Variants in CNTN4 observed in about 807,000 individuals in gnomAD.
CNTN4 encodes the protein contactin-4.
CNTN4 carries 77 observed loss-of-function variants against 122.5 expected under a neutral mutation model. The ratio of observed to expected loss-of-function variants is 0.63; its 90% CI spans 0.52 to 0.76. The LOEUF is 0.76. Ranked by LOEUF, CNTN4 falls within the 30% of genes least tolerant of loss-of-function variation. The pLI, the probability that CNTN4 is intolerant of heterozygous loss-of-function variation, is 0.00. For synonymous variants in CNTN4, 512 were observed against 447.0 expected (o/e 1.15, Z -1.83); for missense variants, 1,256 against 1,259.1 (o/e 1.00, Z 0.04).
chr3:2,892,011 G>C lies in CNTN4; in HGVS notation c.940+4787G>C, dbSNP rs368103283. The stretch of plus-strand genomic sequence containing the variant: ...ACTTGAGATATATTTTGGAGTTAGA[G>C]CCAATAGGATATGCTCATTTCATTC... On this transcript the variant is annotated intron_variant, in intron 10 of 24. Transcript: ENST00000418658. 3.3e-4 allele frequency among the ~76,000 whole-genome samples: 50 copies of C among 152,292 alleles called. No homozygotes were observed. In the East Asian group the frequency reaches 6.6e-3, roughly 20 times the overall value.
intron 3 of CNTN4, among the ~76,000 whole-genome samples, chr3:2,510,565 T>A (rs950804892): frequency 3.3e-5 from 5 of 152,156 alleles, no homozygotes; most frequent in African/African-American, 1.2e-4. Context: ...ACACAGGCGC[T>A]GAGTCTCCCT....
intron 2 of CNTN4, among the ~76,000 whole-genome samples, chr3:2,119,352 C>A (rs2033572229): frequency 6.6e-6 from 1 of 152,172 alleles, no homozygotes; most frequent in South Asian, 2.1e-4. Flanking sequence ...CTGTGGAGAA[C>A]CCTGACTACT....
At chr3:2,576,467 G>T (rs749526344) in intron 4 of CNTN4, among the ~76,000 whole-genome samples, 1 of 151,892 alleles carries the variant, frequency 6.6e-6, no homozygotes, top group Admixed American at 6.6e-5. Flanking sequence ...ATTAAAATTG[G>T]TCTGTGTGCC....
intron 2 of CNTN4, among the ~76,000 whole-genome samples, chr3:2,110,841 A>G (rs2032893744): frequency 6.6e-6 from 1 of 152,146 alleles, no homozygotes; most frequent in South Asian, 2.1e-4. Flanking sequence ...AGAGTAAGAT[A>G]TCACTATACC....
rs368919706 is a variant in CNTN4, at chr3:2,467,133, G to GTTT, written c.-88-104268_-88-104266dup. Among the ~76,000 whole-genome samples the GTTT allele has an allele frequency of 1.3e-3, 174 of 131,422 alleles. 1 individual carries two copies. Among genetic ancestry groups the GTTT allele is most frequent in the African/African-American group, 4.5e-3 (163 of 36,084 alleles). 86.2% of individuals were successfully genotyped at this position (131,422 alleles called of 152,430 possible). ...CATTGGATGATATGCAAAATTATGG[G>GTTT]TTTTTTTTTTTTTTTTTGAGAAGAG... On this transcript the variant is annotated intron_variant, in intron 3 of 24. Coordinates refer to ENST00000418658, the MANE Select transcript of CNTN4 (RefSeq NM_175607.3).
At chr3:2,307,316 T>A (rs1193117947) in intron 2 of CNTN4, among the ~76,000 whole-genome samples, 2 of 151,954 alleles carry the variant, frequency 1.3e-5, no homozygotes, top group Non-Finnish European at 2.9e-5. Context: ...GCGCCTGTAG[T>A]CCCAGCTACT....
chr3:2,830,652 C>T (rs147753590), intron 7 of CNTN4, among the ~76,000 whole-genome samples: 23 of 152,308 alleles, frequency 1.5e-4, no homozygotes, highest in Non-Finnish European at 2.8e-4. Flanking sequence ...GAGCTTTCAA[C>T]AACATGAATC....
intron 6 of CNTN4, among the ~76,000 whole-genome samples, chr3:2,808,014 ATCCAC>A (rs1199450386): frequency 2.8e-4 from 43 of 152,338 alleles, no homozygotes; most frequent in African/African-American, 1.0e-3. Flanking sequence ...GAGACATCGT[ATCCAC>A]TACCACTAAG....
At chr3:2,458,950 C>T (rs768889294) in intron 3 of CNTN4, among the ~76,000 whole-genome samples, 11 of 152,252 alleles carry the variant, frequency 7.2e-5, no homozygotes, top group Middle Eastern at 6.8e-3. Context: ...TCTTCCTTTC[C>T]GCCTAGCATG....
intron 3 of CNTN4, among the ~76,000 whole-genome samples, chr3:2,478,836 A>G (rs984552322): frequency 6.6e-6 from 1 of 152,162 alleles, no homozygotes; most frequent in Non-Finnish European, 1.5e-5. Context: ...TCTGTCACTG[A>G]TGGACATTTA....
At chr3:2,287,632 G>GAGAAGGAGAAGGAGA (rs1559415115) in intron 2 of CNTN4, among the ~76,000 whole-genome samples, 2 of 49,476 alleles carry the variant, frequency 4.0e-5, no homozygotes, top group Non-Finnish European at 8.5e-5. Flanking sequence ...GAAGGAGAAG[G>GAGAAGGAGAAGGAGA]AGAAGAAGAA....
chr3:2,598,623 ACAT>A (rs1403422956), intron 4 of CNTN4, among the ~76,000 whole-genome samples: 2 of 152,212 alleles, frequency 1.3e-5, no homozygotes, highest in Non-Finnish European at 2.9e-5. Flanking sequence ...GACCACTTTT[ACAT>A]CATAATTCAA....
chr3:2,504,059 A>G (rs1397582720), intron 3 of CNTN4, among the ~76,000 whole-genome samples: 2 of 152,092 alleles, frequency 1.3e-5, no homozygotes, highest in Non-Finnish European at 2.9e-5. Flanking sequence ...AGAACAAAAT[A>G]GAACAGTTTA....
At position 2,715,810 on chromosome 3, in the gene CNTN4, A is replaced by G. The variant is rs565141615; in HGVS notation, c.56-20405A>G. 2.4e-4 allele frequency among the ~76,000 whole-genome samples: 36 copies of G among 152,232 alleles called. 1 individual carries two copies. The South Asian group carries it at 7.5e-3, about 32-fold the overall frequency. ...TTATGAAGACAGTATCATGTCAGAC[A>G]AAGGCTCTACCCCATGGCCTCATTT... On this transcript the variant is annotated intron_variant, in intron 4 of 24. Transcript: ENST00000418658.
At chr3:2,512,775 T>TA (rs1257443398) in intron 3 of CNTN4, among the ~76,000 whole-genome samples, 2 of 152,210 alleles carry the variant, frequency 1.3e-5, no homozygotes, top group East Asian at 3.8e-4. Context: ...ACACTGAGCT[T>TA]GAGACCATGG....
At chr3:2,242,401 A>G (rs1372958010) in intron 2 of CNTN4, among the ~76,000 whole-genome samples, 4 of 152,084 alleles carry the variant, frequency 2.6e-5, no homozygotes, top group African/African-American at 9.7e-5. Context: ...ATTCATTAGG[A>G]AAGGGTTCAT....
chr3:2,215,246 A>T (rs1324485856), intron 2 of CNTN4, among the ~76,000 whole-genome samples: 1 of 152,250 alleles, frequency 6.6e-6, no homozygotes, highest in African/African-American at 2.4e-5. Context: ...ATGACATGCT[A>T]TAATACAATA....
intron 2 of CNTN4, among the ~76,000 whole-genome samples, chr3:2,236,555 G>A (rs1389431714): frequency 6.6e-6 from 1 of 152,200 alleles, no homozygotes; most frequent in African/African-American, 2.4e-5. Context: ...TCAGGAAGCA[G>A]TGAGCATTTT....
intron 12 of CNTN4, among the ~76,000 whole-genome samples, chr3:2,917,784 G>A (rs765047663): frequency 1.3e-4 from 20 of 152,150 alleles, no homozygotes; most frequent in Non-Finnish European, 2.9e-4. Flanking sequence ...TGTAGAGGTT[G>A]GAAGGAGGAC....
Sources: allele counts gnomAD v4.1 joint callset (sites outside exome capture counted in the v4.1 genomes callset), GRCh38; gene constraint gnomAD v4.1.1; transcripts MANE v1.5; gene names NCBI Gene and HGNC (gene_info 2026-07-23, HGNC 2026-07-21).